EGFR: variants seen among roughly 807,000 people sequenced by gnomAD.
EGFR encodes the protein avian erythroblastic leukemia viral (v-erb-b) oncogene homolog.
EGFR carries 58 observed loss-of-function variants against 143.0 expected under a neutral mutation model. The observed-to-expected ratio is 0.41, with a 90% CI of 0.33 to 0.50. The LOEUF is 0.50. Among genes scored for constraint, EGFR ranks in the 20% least tolerant of loss-of-function variants. EGFR has a pLI of 0.39. For synonymous variants in EGFR, 613 were observed against 594.4 expected (o/e 1.03, Z -0.45); for missense variants, 1,307 against 1,579.0 (o/e 0.83, Z 2.92).
chr7:55,030,278 C>T (rs1382768892), intron 1 of EGFR, among the ~76,000 whole-genome samples: 1 of 152,182 alleles, frequency 6.6e-6, no homozygotes, highest in Non-Finnish European at 1.5e-5. Context: ...ATAAAGTATT[C>T]CTCAAAATTT....
chr7:55,126,165 C>T (rs1793510984), intron 1 of EGFR, among the ~76,000 whole-genome samples: 1 of 152,216 alleles, frequency 6.6e-6, no homozygotes, highest in Non-Finnish European at 1.5e-5. Flanking sequence ...TTTCTGCACT[C>T]TTAGATCATC....
At chr7:55,203,210 A>C in intron 27 of EGFR, 1 of 234,844 alleles carries the variant, frequency 4.3e-6, no homozygotes, top group Admixed American at 5.4e-5. Flanking sequence ...ATATACACAC[A>C]CACCTCAAAT....
At chr7:55,054,076 C>G (rs1788647254) in intron 1 of EGFR, among the ~76,000 whole-genome samples, 1 of 147,468 alleles carries the variant, frequency 6.8e-6, no homozygotes, top group Non-Finnish European at 1.5e-5. Context: ...CCAGGAATTT[C>G]TGTCAACCCT....
intron 22 of EGFR, among the ~76,000 whole-genome samples, chr7:55,194,131 C>T (rs546122105): frequency 6.6e-6 from 1 of 152,308 alleles, no homozygotes; most frequent in South Asian, 2.1e-4. Flanking sequence ...CCGCCCCTCC[C>T]ACTCCAGGCA....
chr7:55,173,252 C>A, intron 17 of EGFR, 128 bp downstream of exon 17: 3 of 1,374,616 alleles, frequency 2.2e-6, no homozygotes, highest in Non-Finnish European at 3.0e-6. Flanking sequence ...CAGAAAGAAT[C>A]TCTGAATGTG....
intron 1 of EGFR, among the ~76,000 whole-genome samples, 187 bp downstream of exon 1, chr7:55,019,552 C>G (rs927975525): frequency 3.9e-5 from 6 of 152,078 alleles, no homozygotes; most frequent in African/African-American, 1.4e-4. Flanking sequence ...GTTCTTCGGC[C>G]GGGAGAGTCT....
intron 1 of EGFR, among the ~76,000 whole-genome samples, chr7:55,110,189 A>G (rs1381865541): frequency 6.6e-6 from 1 of 152,206 alleles, no homozygotes; most frequent in Non-Finnish European, 1.5e-5. Context: ...ATCCCATGCT[A>G]TAAAATTCTA....
intron 19 of EGFR, among the ~76,000 whole-genome samples, chr7:55,175,370 C>T (rs756511648): frequency 6.6e-6 from 1 of 152,180 alleles, no homozygotes; most frequent in African/African-American, 2.4e-5. Context: ...CATTCTTCTC[C>T]AGTGTCTGTT....
intron 1 of EGFR, among the ~76,000 whole-genome samples, chr7:55,118,267 A>G (rs1792988286): frequency 6.6e-6 from 1 of 152,158 alleles, no homozygotes; most frequent in South Asian, 2.1e-4. Context: ...CACAACCATC[A>G]CCTGAGGCAT....
At chr7:55,156,946 C>A in intron 10 of EGFR, 114 bp downstream of exon 10, 1 of 1,561,316 alleles carries the variant, frequency 6.4e-7, no homozygotes, top group East Asian at 2.4e-5. Flanking sequence ...GAAATTTTAC[C>A]GTTAATGGCT....
chr7:55,178,443 CT>C (rs1452692983), intron 19 of EGFR, among the ~76,000 whole-genome samples: 1 of 152,236 alleles, frequency 6.6e-6, no homozygotes, highest in East Asian at 1.9e-4. Flanking sequence ...GCCCCACAGG[CT>C]GCCTTCACAC....
At chr7:55,203,916 CAT>C (rs1314032035) in intron 27 of EGFR, among the ~76,000 whole-genome samples, 13 of 150,876 alleles carry the variant, frequency 8.6e-5, no homozygotes, top group South Asian at 8.4e-4. Context: ...ATATCTATGT[CAT>C]ATATATCAAA....
intron 1 of EGFR, among the ~76,000 whole-genome samples, chr7:55,072,596 A>G (rs1282565932): frequency 1.3e-5 from 2 of 152,156 alleles, no homozygotes; most frequent in Non-Finnish European, 2.9e-5. Flanking sequence ...AAAGTTACCA[A>G]CAGTTTCATG....
chr7:55,036,210 A>G (rs890765810), intron 1 of EGFR, among the ~76,000 whole-genome samples: 2 of 129,408 alleles, frequency 1.5e-5, no homozygotes, highest in African/African-American at 5.9e-5. Context: ...TTTTTGGATT[A>G]ACTTACATGA....
At chr7:55,138,698 T>A (rs1794294435) in intron 1 of EGFR, among the ~76,000 whole-genome samples, 1 of 152,226 alleles carries the variant, frequency 6.6e-6, no homozygotes, top group South Asian at 2.1e-4. Context: ...AGTCAAAAGC[T>A]TATATATTTT....
intron 1 of EGFR, among the ~76,000 whole-genome samples, chr7:55,028,689 T>C (rs1787077653): frequency 1.3e-5 from 2 of 152,190 alleles, no homozygotes; most frequent in African/African-American, 4.8e-5. Context: ...TATTTTAAGT[T>C]TGTTCTAGTG....
At chr7:55,119,141 T>A (rs376270795) in intron 1 of EGFR, 1 of 152,182 alleles carries the variant, frequency 6.6e-6, no homozygotes, top group Non-Finnish European at 1.5e-5. Flanking sequence ...CTGAGAAGAA[T>A]GTGAAAGCTA....
intron 1 of EGFR, among the ~76,000 whole-genome samples, chr7:55,103,077 CA>C (rs1791919323): frequency 6.6e-6 from 1 of 152,192 alleles, no homozygotes; most frequent in African/African-American, 2.4e-5. Flanking sequence ...ATAGACTCCC[CA>C]TATGGGTCAT....
At chr7:55,083,445 G>A (rs572279983) in intron 1 of EGFR, among the ~76,000 whole-genome samples, 2 of 152,280 alleles carry the variant, frequency 1.3e-5, no homozygotes, top group Admixed American at 6.5e-5. Flanking sequence ...TGTAACAGAC[G>A]CCTGACGTCA....
Sources: allele counts gnomAD v4.1 joint callset (sites outside exome capture counted in the v4.1 genomes callset), GRCh38; gene constraint gnomAD v4.1.1; transcripts MANE v1.5; gene names NCBI Gene and HGNC (gene_info 2026-07-23, HGNC 2026-07-21).